METTL26: variants seen among roughly 807,000 people sequenced by gnomAD.
METTL26 encodes the protein methyltransferase like 26.
A neutral mutation model predicts 24.7 loss-of-function variants in METTL26; 28 were observed. The ratio of observed to expected loss-of-function variants is 1.13; its 90% CI spans 0.84 to 1.55. The LOEUF (loss-of-function observed/expected upper bound fraction) is 1.55. Ranked by LOEUF, METTL26 falls within the 40% of genes most tolerant of loss-of-function variation. The pLI is 0.00. For missense variants in METTL26, 344 were observed against 281.2 expected (o/e 1.22, Z -1.60); for synonymous variants, 165 against 125.2 (o/e 1.32, Z -2.12).
chr16:635,968 C>T, intron 1 of METTL26, 126 bp downstream of exon 1: 1 of 1,355,698 alleles, frequency 7.4e-7, no homozygotes, highest in Non-Finnish European at 9.7e-7. Context: ...CCCGGGGGCA[C>T]CCCCAGGCTC....
rs372802155 is a variant in METTL26, at chr16:634,570, G to A, written c.*27C>T. ...GCCTCACAGAGCCTCCGGCAGGGAT[G>A]CAGGTGTGCGGGGGTGAAGGAGGGG... On this transcript the variant is annotated 3_prime_UTR_variant, in exon 6 of 6. Coordinates refer to ENST00000301686, the MANE Select transcript of METTL26 (RefSeq NM_032366.5). 8 of 1,613,074 alleles carry A rather than the reference G, an allele frequency of 5.0e-6. No individual in the cohort carries two copies. Among genetic ancestry groups the A allele is most frequent in the Non-Finnish European group, 5.1e-6 (6 of 1,179,972 alleles).
chr16:636,304 A>G lies in METTL26; in HGVS notation c.-14T>C, dbSNP rs2037177875. Reference sequence around the variant, plus strand: ...CGCCACCAGCATCGCGGCAGCAACAACTCCCCGCCGCGGACGCGGCGCGGG... The same window carrying G: ...CGCCACCAGCATCGCGGCAGCAACAGCTCCCCGCCGCGGACGCGGCGCGGG... On this transcript the variant is annotated 5_prime_UTR_variant, in exon 1 of 6. Coordinates refer to ENST00000301686, the MANE Select transcript of METTL26 (RefSeq NM_032366.5). 2.8e-6 allele frequency: 4 copies of G among 1,407,734 alleles called. No individual in the cohort carries two copies. The highest frequency in any genetic ancestry group is 1.5e-5 in the South Asian group (1 of 66,520). The allele number at this position is 1,407,734 out of a possible 1,614,324, so 87.2% of individuals were successfully genotyped here.
In METTL26 at chr16:635,761, T is replaced by C. The variant is rs2037131377; in HGVS notation, c.211A>G (p.Thr71Ala). The part of the protein sequence containing the change: ...QRCLDSIAAT[T>A]QAQGLTNVKA... ...ACGTTGGTCAGGCCCTGGGCTTGCG[T>C]GGTGGCCGCGATGCTGCAGGAGGCG... The change falls in exon 2 of 6, where the codon ACG becomes GCG. Residue 71 changes from threonine to alanine, a missense_variant. Coordinates refer to ENST00000301686, the MANE Select transcript of METTL26 (RefSeq NM_032366.5). The C allele has an allele frequency of 6.4e-7, 1 of 1,568,940 alleles. No individual in the cohort carries two copies. Among genetic ancestry groups the C allele is most frequent in the Non-Finnish European group, 8.7e-7 (1 of 1,154,628 alleles).
chr16:634,970 G>A lies in METTL26; in HGVS notation c.421-14C>T. ...GATGGCATAGGGCTGTGGGCATGGG[G>A]ACACAGCCCACTGGACCAAGGTCGG... On this transcript the variant is annotated splice_polypyrimidine_tract_variant and intron_variant, in intron 3 of 5. Transcript: ENST00000301686. 1 of 1,592,556 alleles carries A rather than the reference G, an allele frequency of 6.3e-7. No individual in the cohort carries two copies. The highest frequency in any genetic ancestry group is 8.5e-7 in the Non-Finnish European group (1 of 1,170,818).
At chr16:635,149 C>T in intron 3 of METTL26, 132 bp downstream of exon 3, 2 of 1,480,774 alleles carry the variant, frequency 1.4e-6, no homozygotes, top group Non-Finnish European at 1.8e-6. Flanking sequence ...GGGGTACAGA[C>T]TGGAAGTGGA....
chr16:634,565 G>A lies in METTL26; in HGVS notation c.*32C>T, dbSNP rs745468162. 2 of 1,613,158 alleles carry A rather than the reference G, an allele frequency of 1.2e-6. No individual in the cohort carries two copies. On this transcript the variant is annotated 3_prime_UTR_variant, in exon 6 of 6. Coordinates refer to ENST00000301686, the MANE Select transcript of METTL26 (RefSeq NM_032366.5). The stretch of plus-strand genomic sequence containing the variant: ...TTCGTGCCTCACAGAGCCTCCGGCA[G>A]GGATGCAGGTGTGCGGGGGTGAAGG...
At position 635,673 on chromosome 16, in the gene METTL26, T is replaced by TGTGGCAGGATCCCGCCCCA; in HGVS notation, c.280_298dup (p.Gln100LeufsTer64). 5 of 1,555,426 alleles carry TGTGGCAGGATCCCGCCCCA rather than the reference T, an allele frequency of 3.2e-6. No individual in the cohort carries two copies. The highest frequency in any genetic ancestry group is 1.7e-6 in the Non-Finnish European group (2 of 1,150,002). On this transcript the variant is annotated frameshift_variant, in exon 2 of 6. Transcript: ENST00000301686. LOFTEE classifies it high-confidence loss of function. Reference sequence around the variant, plus strand: ...GATGCAGAGCAACAGGTCCAGCGACTGTGGCAGGATCCCGCCCCAGTGCTC... The same window carrying TGTGGCAGGATCCCGCCCCA: ...GATGCAGAGCAACAGGTCCAGCGACTGTGGCAGGATCCCGCCCCAGTGGCAGGATCCCGCCCCAGTGCTC...
Position 635,326 on chromosome 16 carries a change from T to G in METTL26, c.375A>C (p.Ala125=). 6.2e-7 allele frequency: 1 copy of G among 1,600,068 alleles called. No individual in the cohort carries two copies. The highest frequency in any genetic ancestry group is 1.1e-5 in the South Asian group (1 of 89,084). ...PLRCTEGLFR[A]AGHLLKPRAL... ...CCCTGGGTTTGAGCAGGTGTCCTGC[T>G]GCTCTGAAGAGCCCCTGGTGAGTAG... The change falls in exon 3 of 6, where the codon GCA becomes GCC. Residue 125 remains alanine (A), a synonymous_variant. Coordinates refer to ENST00000301686, the MANE Select transcript of METTL26 (RefSeq NM_032366.5).
chr16:634,886 G>A lies in METTL26; in HGVS notation c.488+3C>T. The A allele has an allele frequency of 1.3e-6, 2 of 1,598,686 alleles. No individual in the cohort carries two copies. The highest frequency in any genetic ancestry group is 2.7e-5 in the African/African-American group (2 of 74,732). On this transcript the variant is annotated splice_donor_region_variant and intron_variant, in intron 4 of 5. Coordinates refer to ENST00000301686, the MANE Select transcript of METTL26 (RefSeq NM_032366.5). ...AGCCAGACCCCCCGCCTCTAGCTCT[G>A]ACCTGCATCTGAGCATCAGGTCAAA...
chr16:635,764 T>C lies in METTL26; in HGVS notation c.208A>G (p.Thr70Ala), dbSNP rs2037131932. ...TTGGTCAGGCCCTGGGCTTGCGTGG[T>C]GGCCGCGATGCTGCAGGAGGCGAAC... ...DQRCLDSIAA[T>A]TQAQGLTNVK... The change falls in exon 2 of 6, where the codon ACC becomes GCC. Residue 70 changes from threonine (T) to alanine (A), a missense_variant. By Grantham distance (58) the Thr-to-Ala change is moderately conservative (BLOSUM62 0). Coordinates refer to ENST00000301686, the MANE Select transcript of METTL26 (RefSeq NM_032366.5). 8 of 1,567,426 alleles carry C rather than the reference T, an allele frequency of 5.1e-6. No homozygotes were observed. The highest frequency in any genetic ancestry group is 6.9e-6 in the Non-Finnish European group (8 of 1,153,788).
Position 635,349 on chromosome 16 carries a change from T to C in METTL26, c.361-9A>G. ...GCTGCTCTGAAGAGCCCCTGGTGAG[T>C]AGGAACAGGACGGCAGTGAGGTGCT... On this transcript the variant is annotated splice_polypyrimidine_tract_variant and intron_variant, in intron 2 of 5. Coordinates refer to ENST00000301686, the MANE Select transcript of METTL26 (RefSeq NM_032366.5). 2 of 1,596,258 alleles carry C rather than the reference T, an allele frequency of 1.3e-6. No individual in the cohort carries two copies. Among genetic ancestry groups the C allele is most frequent in the Non-Finnish European group, 1.7e-6 (2 of 1,171,338 alleles).
At chr16:636,062 A>G in intron 1 of METTL26, 32 bp downstream of exon 1, 3 of 1,421,870 alleles carry the variant, frequency 2.1e-6, no homozygotes, top group Admixed American at 3.1e-5. Context: ...GGACCGCCGC[A>G]CCGATAGAAG....
rs759565536 is a variant in METTL26, at chr16:636,016, C to T, written c.197+78G>A. 2.2e-4 allele frequency: 324 copies of T among 1,442,980 alleles called. 1 individual carries two copies. The Middle Eastern group carries it at 4.8e-3, about 21-fold the overall frequency. 89.4% of individuals were successfully genotyped at this position (1,442,980 alleles called of 1,614,324 possible). ...CTCAGAGCCCGAGCCGCATCCTTTT[C>T]CTCCGGGGCTGCGGGCCGTGGGCTC... On this transcript the variant is annotated intron_variant, in intron 1 of 5. Coordinates refer to ENST00000301686, the MANE Select transcript of METTL26 (RefSeq NM_032366.5).
Position 635,323 on chromosome 16 carries a change from T to G in METTL26, c.378A>C (p.Ala126=). The change falls in exon 3 of 6, where the codon GCA becomes GCC. Residue 126 remains alanine (A), a synonymous_variant. Coordinates refer to ENST00000301686, the MANE Select transcript of METTL26 (RefSeq NM_032366.5). The part of the protein sequence containing the change: ...LRCTEGLFRA[A]GHLLKPRALL... ...GGGCCCTGGGTTTGAGCAGGTGTCC[T>G]GCTGCTCTGAAGAGCCCCTGGTGAG... is the stretch of plus-strand genomic sequence containing the variant. 7 of 1,600,230 alleles carry G rather than the reference T, an allele frequency of 4.4e-6. No individual in the cohort carries two copies. Among genetic ancestry groups the G allele is most frequent in the Non-Finnish European group, 6.0e-6 (7 of 1,173,532 alleles).
rs2037129249 is a variant in METTL26, at chr16:635,746, G to A, written c.226C>T (p.Leu76=). ...TGTAGCGGGGCCTTCACGTTGGTCA[G>A]GCCCTGGGCTTGCGTGGTGGCCGCG... ...SIAATTQAQG[L]TNVKAPLHLD... is the part of the protein sequence containing the mutation. The change falls in exon 2 of 6, where the codon CTG becomes TTG. Residue 76 remains leucine, a synonymous_variant. Coordinates refer to ENST00000301686, the MANE Select transcript of METTL26 (RefSeq NM_032366.5). 2 of 1,574,456 alleles carry A rather than the reference G, an allele frequency of 1.3e-6. No individual in the cohort carries two copies. The highest frequency in any genetic ancestry group is 1.7e-6 in the Non-Finnish European group (2 of 1,159,088).
At position 635,593 on chromosome 16, in the gene METTL26, TGCTGG is replaced by T. The variant is rs1279018167; in HGVS notation, c.360+14_360+18del. On this transcript the variant is annotated intron_variant, in intron 2 of 5. Coordinates refer to ENST00000301686, the MANE Select transcript of METTL26 (RefSeq NM_032366.5). The stretch of plus-strand genomic sequence containing the variant: ...TGAGTGGTGCCACGGCAGACACCCA[TGCTGG>T]GCTCCCCACAGACCTCCGTGCAGCG... 2 of 1,548,284 alleles carry T rather than the reference TGCTGG, an allele frequency of 1.3e-6. No homozygotes were observed. Among genetic ancestry groups the T allele is most frequent in the Non-Finnish European group, 1.7e-6 (2 of 1,146,646 alleles).
intron 1 of METTL26, 94 bp downstream of exon 1, chr16:636,000 C>T: frequency 1.4e-6 from 2 of 1,429,950 alleles, no homozygotes. Flanking sequence ...CCTCAGAGCC[C>T]GAGCCGCATC....
At chr16:636,064 C>T in intron 1 of METTL26, 30 bp downstream of exon 1, 2 of 1,416,000 alleles carry the variant, frequency 1.4e-6, no homozygotes, top group Non-Finnish European at 1.8e-6. Flanking sequence ...ACCGCCGCAC[C>T]GATAGAAGTG....
intron 2 of METTL26, 38 bp downstream of exon 2, chr16:635,574 G>A (rs1302291314): frequency 4.5e-6 from 7 of 1,546,278 alleles, no homozygotes; most frequent in South Asian, 2.4e-5. Flanking sequence ...AGGGTGAGTG[G>A]TGCCACGGCA....
Sources: allele counts gnomAD v4.1 joint callset, GRCh38; gene constraint gnomAD v4.1.1; transcripts MANE v1.5; gene names NCBI Gene and HGNC (gene_info 2026-07-23, HGNC 2026-07-21).